The following HIBCH variants were observed in gnomAD, a reference collection of about 807,000 sequenced individuals.
HIBCH encodes 3-hydroxyisobutyryl-CoA hydrolase, mitochondrial.
HIBCH carries 50 observed loss-of-function variants against 58.2 expected under a neutral mutation model. That is an observed-to-expected ratio of 0.86 (90% confidence interval 0.68 to 1.09). The LOEUF (loss-of-function observed/expected upper bound fraction) is 1.09. Ranked by LOEUF, HIBCH falls within the 50% of genes least tolerant of loss-of-function variation. HIBCH has a pLI of 0.00. For synonymous variants in HIBCH, 151 were observed against 146.9 expected (o/e 1.03, Z -0.20); for missense variants, 450 against 449.7 (o/e 1.00, Z -0.01).
chr2:190,218,162 G>A (rs1685613649), intron 11 of HIBCH, among the ~76,000 whole-genome samples: 1 of 150,014 alleles, frequency 6.7e-6, no homozygotes, highest in Non-Finnish European at 1.5e-5. Flanking sequence ...AAAGGCAGTT[G>A]TCACAAGCAG....
intron 8 of HIBCH, chr2:190,251,351 C>T (rs1327713090): frequency 5.0e-6 from 1 of 199,430 alleles, no homozygotes; most frequent in Non-Finnish European, 1.1e-5. Context: ...TGTGCATTAC[C>T]TAGGATAGGC....
intron 7 of HIBCH, among the ~76,000 whole-genome samples, chr2:190,256,846 T>A (rs1686938252): frequency 6.6e-6 from 1 of 152,082 alleles, no homozygotes; most frequent in Non-Finnish European, 1.5e-5. Context: ...GAAAAATACC[T>A]GGATGAGATT....
chr2:190,261,671 A>G (rs1038078927), intron 6 of HIBCH, among the ~76,000 whole-genome samples: 2 of 152,124 alleles, frequency 1.3e-5, no homozygotes, highest in Non-Finnish European at 2.9e-5. Flanking sequence ...GCAAGGCTCT[A>G]TATCACCTGG....
At chr2:190,305,426 G>T (rs1688379356) in intron 2 of HIBCH, among the ~76,000 whole-genome samples, 1 of 152,094 alleles carries the variant, frequency 6.6e-6, no homozygotes, top group Non-Finnish European at 1.5e-5. Flanking sequence ...CTGGCTTGTG[G>T]CAGCATAACT....
intron 13 of HIBCH, among the ~76,000 whole-genome samples, chr2:190,208,510 A>C (rs2105898049): frequency 6.6e-6 from 1 of 152,354 alleles, no homozygotes; most frequent in Non-Finnish European, 1.5e-5. Flanking sequence ...TCAGTTTCAA[A>C]GACTGATCTT....
intron 2 of HIBCH, among the ~76,000 whole-genome samples, chr2:190,300,032 T>G (rs1575759622): frequency 1.3e-5 from 2 of 152,204 alleles, no homozygotes; most frequent in African/African-American, 2.4e-5. Flanking sequence ...TATTCTATGG[T>G]GTATATGTAT....
intron 11 of HIBCH, among the ~76,000 whole-genome samples, chr2:190,227,635 G>T (rs1367855801): frequency 6.6e-6 from 1 of 151,962 alleles, no homozygotes; most frequent in Non-Finnish European, 1.5e-5. Context: ...GAATGGGAGA[G>T]AATTTTTACA....
At chr2:190,245,344 CT>C (rs2105933954) in intron 10 of HIBCH, 1 of 206,538 alleles carries the variant, frequency 4.8e-6, no homozygotes, top group Non-Finnish European at 9.9e-6. Context: ...CACACAAAAC[CT>C]TTTTTGCTGA....
At chr2:190,225,736 C>G (rs1575705128) in intron 11 of HIBCH, among the ~76,000 whole-genome samples, 1 of 152,092 alleles carries the variant, frequency 6.6e-6, no homozygotes, top group Non-Finnish European at 1.5e-5. Context: ...TTCCAATCAA[C>G]AGAAAAAGAG....
In HIBCH at chr2:190,294,553, A is replaced by G; in HGVS notation, c.297T>C (p.Asp99=). The G allele has an allele frequency of 6.2e-7, 1 of 1,610,960 alleles. No individual in the cohort carries two copies. Among genetic ancestry groups the G allele is most frequent in the Non-Finnish European group, 8.5e-7 (1 of 1,178,044 alleles). Residue 99 remains aspartate, a synonymous_variant, in exon 4 of 14, where the codon GAT becomes GAC. Coordinates refer to ENST00000359678, the MANE Select transcript of HIBCH (RefSeq NM_014362.4). ...AGGKAFCAGG[D]IRVISEAEKA... ...AAAGGGAAAAGTCTTTACCTCTGAT[A>G]TCACCCCCGGCACAGAAAGCCTTTC...
At chr2:190,226,595 CAAA>C (rs752856547) in intron 11 of HIBCH, among the ~76,000 whole-genome samples, 642 of 29,386 alleles carry the variant, frequency 0.022, 4 homozygotes, top group African/African-American at 0.085. Flanking sequence ...AACTCCGTCT[CAAA>C]AAAAAAAAAA....
At chr2:190,310,941 G>A (rs760352808) in intron 1 of HIBCH, 145 bp from the exon 2 acceptor site, 9 of 715,134 alleles carry the variant, frequency 1.3e-5, no homozygotes, top group Non-Finnish European at 1.8e-5. Flanking sequence ...CTCATTCACT[G>A]CTGGTAGGAA....
chr2:190,276,302 C>T (rs1283472218), intron 6 of HIBCH, among the ~76,000 whole-genome samples: 1 of 152,210 alleles, frequency 6.6e-6, no homozygotes, highest in Non-Finnish European at 1.5e-5. Context: ...TTACTCCGCT[C>T]ATCAAACAAG....
At chr2:190,286,361 G>A (rs948080770) in intron 6 of HIBCH, among the ~76,000 whole-genome samples, 1 of 152,042 alleles carries the variant, frequency 6.6e-6, no homozygotes, top group African/African-American at 2.4e-5. Flanking sequence ...TGGATCTGTG[G>A]GTCTTTGGGT....
At chr2:190,288,507 T>C (rs1687885315) in intron 5 of HIBCH, among the ~76,000 whole-genome samples, 1 of 150,006 alleles carries the variant, frequency 6.7e-6, no homozygotes, top group Non-Finnish European at 1.5e-5. Flanking sequence ...AGTACAACTA[T>C]CTATGTTAGT....
chr2:190,220,152 C>T (rs907634312), intron 11 of HIBCH: 3 of 152,240 alleles, frequency 2.0e-5, no homozygotes, highest in African/African-American at 7.2e-5. Flanking sequence ...CAAGATGTAT[C>T]TATGATCGTG....
At chr2:190,287,507 C>G (rs1356244988) in intron 6 of HIBCH, 79 bp downstream of exon 6, 1 of 915,622 alleles carries the variant, frequency 1.1e-6, no homozygotes, top group African/African-American at 1.7e-5. Flanking sequence ...CATTCATCAG[C>G]TCACTTCTGT....
chr2:190,265,122 CAAAAAAAAA>C (rs1167140474), intron 6 of HIBCH, among the ~76,000 whole-genome samples: 14,671 of 55,814 alleles, frequency 0.26, 828 homozygotes, highest in East Asian at 0.39. Context: ...GACTCCGTCT[CAAAAAAAAA>C]AAAAAAAAAA....
intron 7 of HIBCH, among the ~76,000 whole-genome samples, chr2:190,253,346 T>C (rs970190147): frequency 7.2e-5 from 11 of 152,158 alleles, no homozygotes; most frequent in African/African-American, 2.7e-4. Context: ...GGGATAAAAA[T>C]GCAAGCACTA....
Sources: allele counts gnomAD v4.1 joint callset (sites outside exome capture counted in the v4.1 genomes callset), GRCh38; gene constraint gnomAD v4.1.1; transcripts MANE v1.5; gene names NCBI Gene and HGNC (gene_info 2026-07-23, HGNC 2026-07-21).